Variants in ASIC2 observed in about 807,000 individuals in gnomAD.
ASIC2 encodes acid-sensing ion channel 2.
A neutral mutation model predicts 57.3 loss-of-function variants in ASIC2; 25 were observed. The observed-to-expected ratio is 0.44, with a 90% CI of 0.32 to 0.61. The LOEUF (loss-of-function observed/expected upper bound fraction) is 0.61. Ranked by LOEUF, ASIC2 falls within the 20% of genes least tolerant of loss-of-function variation. The pLI is 0.06. For synonymous variants in ASIC2, 319 were observed against 307.5 expected, an observed-to-expected ratio of 1.04 and a Z score of -0.39; for missense variants, 641 against 738.1, an observed-to-expected ratio of 0.87 and a Z score of 1.52.
intron 1 of ASIC2, among the ~76,000 whole-genome samples, chr17:33,302,343 A>G (rs1339866513): frequency 6.6e-6 from 1 of 152,232 alleles, no homozygotes; most frequent in Non-Finnish European, 1.5e-5. Context: ...AATGAAATAT[A>G]AAACCCAAGG....
At chr17:34,085,619 G>T (rs2142082932) in intron 1 of ASIC2, among the ~76,000 whole-genome samples, 1 of 152,262 alleles carries the variant, frequency 6.6e-6, no homozygotes, top group East Asian at 1.9e-4. Context: ...AATGGTACCA[G>T]TTCCTCCTTG....
At chr17:33,203,439 T>C (rs568054210) in intron 1 of ASIC2, among the ~76,000 whole-genome samples, 48 of 152,174 alleles carry the variant, frequency 3.2e-4, no homozygotes, top group Non-Finnish European at 6.0e-4. Flanking sequence ...TGGACCTCTG[T>C]AGAATGATGC....
intron 1 of ASIC2, among the ~76,000 whole-genome samples, chr17:33,960,439 G>C (rs939654643): frequency 6.6e-6 from 1 of 152,138 alleles, no homozygotes; most frequent in African/African-American, 2.4e-5. Context: ...AGGTGAATGA[G>C]TTCCATGCCT....
At chr17:34,078,582 T>C (rs769885233) in intron 1 of ASIC2, among the ~76,000 whole-genome samples, 4 of 151,832 alleles carry the variant, frequency 2.6e-5, no homozygotes, top group Non-Finnish European at 5.9e-5. Flanking sequence ...TGGGAGACAA[T>C]CTAGAAGCAG....
At chr17:33,160,757 G>C (rs372879801) in intron 1 of ASIC2, among the ~76,000 whole-genome samples, 24 of 152,302 alleles carry the variant, frequency 1.6e-4, no homozygotes, top group Admixed American at 5.2e-4. Flanking sequence ...GCACTGACAG[G>C]TTCCAAACAG....
intron 1 of ASIC2, among the ~76,000 whole-genome samples, chr17:33,474,526 C>G (rs4795795): frequency 0.82 from 124,216 of 152,286 alleles, 51,091 homozygotes; most frequent in African/African-American, 0.92. Context: ...CAAGGGGGAA[C>G]GGAAGAGAAC....
chr17:33,869,380 C>T (rs409213), intron 1 of ASIC2, among the ~76,000 whole-genome samples: 16,793 of 152,202 alleles, frequency 0.11, 1,152 homozygotes, highest in Admixed American at 0.16. Context: ...CCAGCAAGTC[C>T]GCTTTTAGGT....
chr17:33,263,857 G>C (rs1909371269), intron 1 of ASIC2, among the ~76,000 whole-genome samples: 1 of 152,268 alleles, frequency 6.6e-6, no homozygotes, highest in African/African-American at 2.4e-5. Flanking sequence ...GCGCGGGACA[G>C]AGGGTGGAGC....
intron 1 of ASIC2, among the ~76,000 whole-genome samples, chr17:33,727,182 A>G (rs1288509752): frequency 6.6e-6 from 1 of 152,176 alleles, no homozygotes; most frequent in African/African-American, 2.4e-5. Flanking sequence ...TTATTTTATT[A>G]ATGAAGAAAC....
chr17:33,066,366 C>T (rs1280065838), intron 3 of ASIC2, among the ~76,000 whole-genome samples: 4 of 152,112 alleles, frequency 2.6e-5, no homozygotes, highest in Admixed American at 6.5e-5. Context: ...TAGCAGTTGG[C>T]GAGGTCCTGG....
At chr17:33,061,584 T>C (rs1181703550) in intron 3 of ASIC2, among the ~76,000 whole-genome samples, 5 of 152,234 alleles carry the variant, frequency 3.3e-5, no homozygotes. Flanking sequence ...CTGAGGATTT[T>C]TGCATCGATG....
chr17:34,091,598 T>C (rs1910333290), intron 1 of ASIC2, among the ~76,000 whole-genome samples: 1 of 152,246 alleles, frequency 6.6e-6, no homozygotes, highest in African/African-American at 2.4e-5. Flanking sequence ...AGGGAGATGA[T>C]GGATGGTGAG....
At chr17:33,531,434 T>C (rs1915048193) in intron 1 of ASIC2, among the ~76,000 whole-genome samples, 1 of 152,176 alleles carries the variant, frequency 6.6e-6, no homozygotes, top group Admixed American at 6.5e-5. Context: ...GCCTCAATCC[T>C]CTCTGCTTCT....
chr17:33,830,403 T>C (rs1913065961), intron 1 of ASIC2, among the ~76,000 whole-genome samples: 1 of 152,112 alleles, frequency 6.6e-6, no homozygotes, highest in Non-Finnish European at 1.5e-5. Flanking sequence ...GAGCATGATG[T>C]TAGCGGGATG....
In ASIC2 at chr17:33,701,221, G is replaced by GT. The variant is rs559494790; in HGVS notation, c.555+454756dup. On this transcript the variant is annotated intron_variant, in intron 1 of 9. Transcript: ENST00000359872. ...TGGACAGCCTAGGGTACTCTGAGAA[G>GT]TATGTTGTGTGTGGTGGGCGGAGGG... is the stretch of plus-strand genomic sequence containing the variant. Among the ~76,000 whole-genome samples, 38 of 152,244 alleles carry GT rather than the reference G, an allele frequency of 2.5e-4. No homozygotes were observed. In the South Asian group the frequency reaches 7.9e-3, roughly 32 times the overall value.
chr17:33,695,982 A>G (rs764065541), intron 1 of ASIC2, among the ~76,000 whole-genome samples: 1 of 152,228 alleles, frequency 6.6e-6, no homozygotes, highest in South Asian at 2.1e-4. Flanking sequence ...AGACCTATCT[A>G]TATTCACATA....
intron 1 of ASIC2, among the ~76,000 whole-genome samples, chr17:33,409,466 C>G (rs1597718220): frequency 6.6e-6 from 1 of 152,156 alleles, no homozygotes. Flanking sequence ...TACAATAACC[C>G]TAACACTAAT....
At chr17:33,173,340 G>C (rs1232451609) in intron 1 of ASIC2, among the ~76,000 whole-genome samples, 2 of 152,142 alleles carry the variant, frequency 1.3e-5, no homozygotes, top group African/African-American at 4.8e-5. Flanking sequence ...TGACTGACTT[G>C]AGGCAGCAGA....
intron 1 of ASIC2, among the ~76,000 whole-genome samples, chr17:33,937,395 G>A (rs777556175): frequency 1.6e-4 from 25 of 151,676 alleles, no homozygotes; most frequent in Non-Finnish European, 2.8e-4. Flanking sequence ...CAGCATGCCC[G>A]GCTGAAAATG....
Sources: gnomAD v4.1 joint callset for allele counts (sites outside exome capture counted in the v4.1 genomes callset) on GRCh38, gnomAD v4.1.1 for gene constraint, MANE v1.5 for transcripts, NCBI Gene and HGNC (gene_info 2026-07-23, HGNC 2026-07-21) for gene names.